Variants in DDX50 observed in about 807,000 individuals in gnomAD.
The protein encoded by DDX50 is DExD-box helicase 50.
Under a neutral mutation model 94.8 loss-of-function variants are expected in DDX50, and 56 were observed. That is an observed-to-expected ratio of 0.59 (90% CI 0.48 to 0.74). The LOEUF (loss-of-function observed/expected upper bound fraction) is 0.74. Ranked by LOEUF, DDX50 falls within the 30% of genes least tolerant of loss-of-function variation. DDX50 has a pLI of 0.00. For missense variants in DDX50, 713 were observed against 881.2 expected (o/e 0.81, Z 2.42); for synonymous variants, 264 against 295.4 (o/e 0.89, Z 1.09).
rs199497842 is a variant in DDX50, at chr10:68,936,042, A to G, written c.1558A>G (p.Met520Val). 56 of 1,610,570 alleles carry G rather than the reference A, an allele frequency of 3.5e-5. No homozygotes were observed. The East Asian group carries it at 6.9e-4, about 20-fold the overall frequency. ...TFKRVGVPST[M>V]DLVKSKSMDA... ...TAAACGTGTAGGTGTTCCTTCTACA[A>G]TGGATTTAGTTAAATCTAAAAGCAT... is the stretch of plus-strand genomic sequence containing the variant. Residue 520 changes from methionine to valine, a missense_variant, in exon 11 of 15, where the codon ATG becomes GTG. Met to Val is a conservative substitution (Grantham distance 21). Around this residue, in one of 2 missense-constraint regions of DDX50, gnomAD observed 428 missense variants for 602.3 expected, o/e 0.71. Coordinates refer to ENST00000373585, the MANE Select transcript of DDX50 (RefSeq NM_024045.2).
chr10:68,904,870 A>C (rs1841395273), intron 1 of DDX50, among the ~76,000 whole-genome samples: 1 of 152,248 alleles, frequency 6.6e-6, no homozygotes, highest in South Asian at 2.1e-4. Flanking sequence ...GCATTTTCAC[A>C]CATATTGTTC....
rs191904112 is a variant in DDX50 at position 68,913,373 on chromosome 10, A to C, written c.758-18A>C. 94 of 1,606,176 alleles carry C rather than the reference A, an allele frequency of 5.9e-5. No homozygotes were observed. In the East Asian group the frequency reaches 6.3e-4, roughly 11 times the overall value. ...AGTTTGAATTTTACATATTGGTGGC[A>C]TTTCTCTCTTCTCACAGTTAATCAT... On this transcript the variant is annotated intron_variant, in intron 5 of 14. Transcript: ENST00000373585.
intron 12 of DDX50, among the ~76,000 whole-genome samples, chr10:68,937,791 G>A (rs887434212): frequency 1.3e-5 from 2 of 151,960 alleles, no homozygotes; most frequent in Admixed American, 6.6e-5. Context: ...TCACCATATT[G>A]GTCAGGCTGG....
rs1464431327 is a variant in DDX50 at position 68,934,073 on chromosome 10, C to T, written c.1240-126C>T. 2.3e-6 allele frequency: 2 copies of T among 853,088 alleles called. No individual in the cohort carries two copies. Among genetic ancestry groups the T allele is most frequent in the East Asian group, 6.2e-5 (2 of 32,304 alleles). 52.8% of individuals were successfully genotyped at this position (853,088 alleles called of 1,614,324 possible). A position where few individuals can be genotyped will look rare whatever the true frequency, so the allele number is the denominator to read the frequency against. ...TTTGACTTTTTTTTTTTACAGTAAG[C>T]ATGCATTGTTAAAATCATCAAAGTA... is the stretch of plus-strand genomic sequence containing the variant. On this transcript the variant is annotated intron_variant, in intron 8 of 14. Coordinates refer to ENST00000373585, the MANE Select transcript of DDX50 (RefSeq NM_024045.2). The surrounding 1 kb of genome is among the most constrained non-coding windows in gnomAD (Gnocchi z 4.0).
chr10:68,928,786 TG>T (rs1329441846), intron 8 of DDX50, among the ~76,000 whole-genome samples: 1 of 152,202 alleles, frequency 6.6e-6, no homozygotes, highest in Non-Finnish European at 1.5e-5. Flanking sequence ...ATACCCACTC[TG>T]TCTCCAGCAT....
chr10:68,911,295 G>A, intron 4 of DDX50, 49 bp downstream of exon 4: 1 of 1,430,766 alleles, frequency 7.0e-7, no homozygotes, highest in Non-Finnish European at 9.2e-7. Context: ...TAACAGAAAG[G>A]GAAAGAAAGT....
At chr10:68,923,596 G>T (rs1192683260) in intron 8 of DDX50, among the ~76,000 whole-genome samples, 3 of 152,046 alleles carry the variant, frequency 2.0e-5, no homozygotes, top group Non-Finnish European at 4.4e-5. Flanking sequence ...AGGCTGGAGT[G>T]CAGTGGCAAG....
In DDX50 at chr10:68,944,806, A is replaced by G. The variant is rs927178696; in HGVS notation, c.1936-1546A>G. Reference sequence around the variant, plus strand: ...ATGATCCGCCCGCCTCGGCCTCCCAAAGTGCTGGGATTATAGTCTTGAGCC... The same window carrying G: ...ATGATCCGCCCGCCTCGGCCTCCCAGAGTGCTGGGATTATAGTCTTGAGCC... On this transcript the variant is annotated intron_variant, in intron 14 of 14. Transcript: ENST00000373585. Among the ~76,000 whole-genome samples, 14 of 152,204 alleles carry G rather than the reference A, an allele frequency of 9.2e-5. No individual in the cohort carries two copies. In the East Asian group the frequency reaches 2.1e-3, roughly 23 times the overall value.
intron 11 of DDX50, among the ~76,000 whole-genome samples, chr10:68,936,509 AAAAAAAATATATAT>A (rs1344334854): frequency 2.5e-5 from 1 of 40,392 alleles, no homozygotes; most frequent in Non-Finnish European, 4.3e-5. Flanking sequence ...AAAAAAAAAA[AAAAAAAATATATAT>A]ATATATATAT....
At chr10:68,912,542 TAGAA>T (rs1450867428) in intron 4 of DDX50, among the ~76,000 whole-genome samples, 1 of 152,192 alleles carries the variant, frequency 6.6e-6, no homozygotes, top group Non-Finnish European at 1.5e-5. Context: ...GCTTTTGTAT[TAGAA>T]AGATGTTACT....
At chr10:68,946,301 C>G in intron 14 of DDX50, 51 bp from the exon 15 acceptor site, 1 of 1,541,230 alleles carries the variant, frequency 6.5e-7, no homozygotes, top group South Asian at 1.3e-5. Flanking sequence ...AACATGTTTG[C>G]TTATGGTTTC....
intron 8 of DDX50, among the ~76,000 whole-genome samples, chr10:68,932,880 G>A (rs1842307358): frequency 1.3e-5 from 2 of 151,958 alleles, no homozygotes; most frequent in African/African-American, 4.8e-5. Flanking sequence ...AGAATAAAAG[G>A]TACACAACTT....
intron 3 of DDX50, 150 bp from the exon 4 acceptor site, chr10:68,910,918 G>GAC: frequency 2.0e-6 from 1 of 509,116 alleles, no homozygotes; most frequent in Non-Finnish European, 3.3e-6. Context: ...TAATTTTTTA[G>GAC]TAATGCTTGT....
chr10:68,903,845 G>A (rs775460359), intron 1 of DDX50, among the ~76,000 whole-genome samples: 2 of 149,916 alleles, frequency 1.3e-5, no homozygotes, highest in Non-Finnish European at 1.5e-5. Flanking sequence ...GTGTGGTGGC[G>A]CGTGCCTGTA....
At chr10:68,923,239 G>A (rs1184788376) in intron 8 of DDX50, among the ~76,000 whole-genome samples, 2 of 143,052 alleles carry the variant, frequency 1.4e-5, no homozygotes, top group African/African-American at 5.1e-5. Flanking sequence ...TTCGGAGATG[G>A]GGTCTCTGTC....
intron 1 of DDX50, among the ~76,000 whole-genome samples, chr10:68,904,828 G>A (rs1299650178): frequency 6.6e-6 from 1 of 152,210 alleles, no homozygotes; most frequent in Non-Finnish European, 1.5e-5. Context: ...GTAGTTAACT[G>A]CAGATCATAT....
chr10:68,913,159 C>T lies in DDX50; in HGVS notation c.640-3C>T. ...CTTTTTGTTTTTTAAACCTCTTGCT[C>T]AGGTACTTGTTTTGGCTCCAACAAG... On this transcript the variant is annotated splice_region_variant and splice_polypyrimidine_tract_variant and intron_variant, in intron 4 of 14. Transcript: ENST00000373585. The T allele has an allele frequency of 6.3e-7, 1 of 1,595,800 alleles. No individual in the cohort carries two copies. Among genetic ancestry groups the T allele is most frequent in the East Asian group, 2.2e-5 (1 of 44,718 alleles).
At position 68,911,252 on chromosome 10, in the gene DDX50, C is replaced by T. The variant is rs979969126; in HGVS notation, c.639+6C>T. 1.1e-5 allele frequency: 17 copies of T among 1,576,066 alleles called. No individual in the cohort carries two copies. Among genetic ancestry groups the T allele is most frequent in the African/African-American group, 1.4e-5 (1 of 72,668 alleles). On this transcript the variant is annotated splice_donor_region_variant and intron_variant, in intron 4 of 14. Coordinates refer to ENST00000373585, the MANE Select transcript of DDX50 (RefSeq NM_024045.2). Reference sequence around the variant, plus strand: ...AAAAAAGCCGCTCACCAAAGGTAATCGTTATAGGGGGTAAAAGCTTTAAAT... The same window carrying T: ...AAAAAAGCCGCTCACCAAAGGTAATTGTTATAGGGGGTAAAAGCTTTAAAT...
At position 68,906,946 on chromosome 10, in the gene DDX50, C is replaced by T. The variant is rs574138640; in HGVS notation, c.323C>T (p.Ser108Leu). The stretch of plus-strand genomic sequence containing the variant: ...GATATAGATGAATATGAAAAAAAAT[C>T]AAAGCGAGTATCATCTTTAGATACT... ...NGDIDEYEKKSKRVSSLDTST... is the reference protein window; with the variant it reads ...NGDIDEYEKKLKRVSSLDTST... The change falls in exon 2 of 15, where the codon TCA becomes TTA. Residue 108 changes from serine to leucine, a missense_variant. Transcript: ENST00000373585. 1 of 1,600,134 alleles carries T rather than the reference C, an allele frequency of 6.2e-7. No individual in the cohort carries two copies. The highest frequency in any genetic ancestry group is 2.2e-5 in the East Asian group (1 of 44,754).
Sources: allele counts gnomAD v4.1 joint callset (sites outside exome capture counted in the v4.1 genomes callset), GRCh38; gene constraint gnomAD v4.1.1; regional missense constraint gnomAD v4.1.1; non-coding constraint Gnocchi (gnomAD v3.1); transcripts MANE v1.5; gene names NCBI Gene and HGNC (gene_info 2026-07-23, HGNC 2026-07-21).